Variants in ANKRD29 observed in about 807,000 individuals in gnomAD.
The protein encoded by ANKRD29 is ankyrin repeat domain 29, also known as ankyrin repeat domain-containing protein 29.
Under a neutral mutation model 38.0 loss-of-function variants are expected in ANKRD29, and 32 were observed. The ratio of observed to expected loss-of-function variants is 0.84; its 90% confidence interval spans 0.64 to 1.13. The LOEUF is 1.13. Ranked by LOEUF, ANKRD29 falls within the 50% of genes most tolerant of loss-of-function variation. The pLI is 0.00. For missense variants in ANKRD29, 357 were observed against 377.9 expected, an observed-to-expected ratio of 0.94 and a Z score of 0.46; for synonymous variants, 135 against 152.4, an observed-to-expected ratio of 0.89 and a Z score of 0.84.
At chr18:23,613,164 ATTTTTTTTTTTTT>A (rs546475443) in intron 8 of ANKRD29, among the ~76,000 whole-genome samples, 1 of 99,058 alleles carries the variant, frequency 1.0e-5, no homozygotes, top group Admixed American at 1.2e-4. Flanking sequence ...ACGGGTCAGA[ATTTTTTTTTTTTT>A]TTTTTTTTTT....
intron 6 of ANKRD29, among the ~76,000 whole-genome samples, chr18:23,624,465 T>TCAAAAAAA (rs2059835116): frequency 1.4e-4 from 1 of 7,228 alleles, no homozygotes; most frequent in Admixed American, 2.1e-3. Context: ...AGACTCCATC[T>TCAAAAAAA]CAAAAAAAAA....
At position 23,662,810 on chromosome 18, in the gene ANKRD29, G is replaced by C. The variant is rs938974537; in HGVS notation, c.-80C>G. 2.3e-5 allele frequency: 29 copies of C among 1,245,820 alleles called. No homozygotes were observed. Among genetic ancestry groups the C allele is most frequent in the Non-Finnish European group, 2.7e-5 (27 of 989,152 alleles). The allele number at this position is 1,245,820 out of a possible 1,614,324, so 77.2% of individuals were successfully genotyped here. ...CTCCCCGGCCCTTCACTCTCCCGGG[G>C]CTCTCGGCGTTCCGCAGAGGGGCGG... is the stretch of plus-strand genomic sequence containing the variant. On this transcript the variant is annotated 5_prime_UTR_variant, in exon 1 of 10. Coordinates refer to ENST00000592179, the MANE Select transcript of ANKRD29 (RefSeq NM_173505.4).
At chr18:23,631,187 C>T (rs554607452) in intron 5 of ANKRD29, among the ~76,000 whole-genome samples, 35 of 151,452 alleles carry the variant, frequency 2.3e-4, no homozygotes, top group African/African-American at 8.0e-4. Context: ...TGCTTGAGCC[C>T]AGGAGTTCAA....
At chr18:23,644,828 C>G (rs888705227) in intron 3 of ANKRD29, among the ~76,000 whole-genome samples, 1 of 152,216 alleles carries the variant, frequency 6.6e-6, no homozygotes, top group Non-Finnish European at 1.5e-5. Context: ...CTGAGCCTCT[C>G]AAGTAACTGG....
Position 23,603,684 on chromosome 18 carries a change from T to C in ANKRD29, c.823-2375A>G, listed in dbSNP as rs1408872284. Among the ~76,000 whole-genome samples the C allele has an allele frequency of 2.0e-5, 3 of 152,278 alleles. No individual in the cohort carries two copies. The East Asian group carries it at 5.8e-4, about 29-fold the overall frequency. On this transcript the variant is annotated intron_variant, in intron 9 of 9. Coordinates refer to ENST00000592179, the MANE Select transcript of ANKRD29 (RefSeq NM_173505.4). ...ATCCATCAGAAAAGCCTTTAAGTTT[T>C]GGGAAGCTGTTAAGGTCATAGTGGT... is the stretch of plus-strand genomic sequence containing the variant.
At chr18:23,605,372 A>AT (rs369113216) in intron 9 of ANKRD29, among the ~76,000 whole-genome samples, 2 of 150,290 alleles carry the variant, frequency 1.3e-5, no homozygotes, top group Non-Finnish European at 3.0e-5. Context: ...TCCCTGGCTT[A>AT]TTTTTTTTCT....
chr18:23,648,844 CT>C (rs771537670), intron 2 of ANKRD29: 10 of 443,402 alleles, frequency 2.3e-5, no homozygotes, highest in Non-Finnish European at 1.6e-5. Flanking sequence ...AGTGAAGTGC[CT>C]CTTTCCCTAT....
At chr18:23,623,532 C>A (rs150745621) in intron 6 of ANKRD29, among the ~76,000 whole-genome samples, 3,650 of 152,094 alleles carry the variant, frequency 0.024, 122 homozygotes, top group East Asian at 0.093. Context: ...CACCTGTAAT[C>A]CCAGCACTTT....
chr18:23,653,186 T>C (rs768837428), intron 1 of ANKRD29, among the ~76,000 whole-genome samples: 102 of 152,234 alleles, frequency 6.7e-4, no homozygotes, highest in Non-Finnish European at 9.6e-4. Flanking sequence ...AAGAATAACC[T>C]AATGTGCATT....
rs572382666 is a variant in ANKRD29 at position 23,624,001 on chromosome 18, A to C, written c.529-4372T>G. 3.9e-4 allele frequency among the ~76,000 whole-genome samples: 60 copies of C among 152,222 alleles called. 1 individual carries two copies. In the South Asian group the frequency reaches 0.012, roughly 32 times the overall value. On this transcript the variant is annotated intron_variant, in intron 6 of 9. Transcript: ENST00000592179. The stretch of plus-strand genomic sequence containing the variant: ...AATAATTTTGAAAATGATGAAAAGT[A>C]AGTCAATTTAGCTCCTTTTTGTAGA...
intron 1 of ANKRD29, among the ~76,000 whole-genome samples, chr18:23,652,164 G>A (rs1325914144): frequency 1.3e-5 from 2 of 152,126 alleles, no homozygotes; most frequent in African/African-American, 4.8e-5. Flanking sequence ...CCCTATGGCC[G>A]GCACATTTAC....
At chr18:23,605,393 G>T (rs931806662) in intron 9 of ANKRD29, among the ~76,000 whole-genome samples, 3 of 151,800 alleles carry the variant, frequency 2.0e-5, no homozygotes, top group Non-Finnish European at 4.4e-5. Context: ...GGAGAGATAG[G>T]GTCTTGCTAT....
intron 6 of ANKRD29, among the ~76,000 whole-genome samples, chr18:23,621,424 G>A (rs1282098859): frequency 2.0e-5 from 3 of 152,192 alleles, no homozygotes; most frequent in Non-Finnish European, 2.9e-5. Context: ...GTGCTGAAGA[G>A]CAGTCACAGG....
At position 23,662,894 on chromosome 18, in the gene ANKRD29, G is replaced by A. The variant is rs192694647; in HGVS notation, c.-164C>T. The A allele has an allele frequency of 4.4e-6, 2 of 456,810 alleles. No individual in the cohort carries two copies. The highest frequency in any genetic ancestry group is 5.8e-6 in the Non-Finnish European group (2 of 345,504). The allele number at this position is 456,810 out of a possible 1,614,324, so 28.3% of individuals were successfully genotyped here. ...GGCAGCAGCCGCCGCACACAGGGCC[G>A]GGCCGAAGGGGCGGCGCGGGGGCGC... On this transcript the variant is annotated 5_prime_UTR_variant, in exon 1 of 10. Transcript: ENST00000592179.
intron 1 of ANKRD29, among the ~76,000 whole-genome samples, chr18:23,651,699 T>C (rs1158007215): frequency 2.0e-5 from 3 of 152,224 alleles, no homozygotes; most frequent in African/African-American, 7.2e-5. Flanking sequence ...TAACAAGATC[T>C]CTAGTCGGGG....
At chr18:23,662,001 T>C (rs2060368569) in intron 1 of ANKRD29, among the ~76,000 whole-genome samples, 1 of 149,530 alleles carries the variant, frequency 6.7e-6, no homozygotes, top group Non-Finnish European at 1.5e-5. Context: ...AGTTAATTTC[T>C]CTATATCTTA....
rs2059508977 is a variant in ANKRD29 at position 23,601,309 on chromosome 18, C to T, written c.823G>A (p.Ala275Thr). 1 of 1,613,798 alleles carries T rather than the reference C, an allele frequency of 6.2e-7. No individual in the cohort carries two copies. Among genetic ancestry groups the T allele is most frequent in the East Asian group, 2.2e-5 (1 of 44,872 alleles). The part of the protein sequence containing the change: ...AGADPSLRNK[A>T]NELPAELTKN... ...GTTAGTTCTGCCGGAAGTTCATTGG[C>T]CTGAAAGAAGAGAAGATGGGCATTA... is the stretch of plus-strand genomic sequence containing the variant. The change falls in exon 10 of 10, where the codon GCC (alanine) becomes ACC (threonine). Residue 275 changes from alanine to threonine, a missense_variant and splice_region_variant. Transcript: ENST00000592179.
chr18:23,639,050 T>C (rs1359238600), intron 3 of ANKRD29, 103 bp from the exon 4 acceptor site: 3 of 894,604 alleles, frequency 3.4e-6, no homozygotes, highest in Admixed American at 6.3e-5. Context: ...ATAGAAAACT[T>C]CTAGCCTAGG....
chr18:23,625,221 C>CT (rs916690010), intron 6 of ANKRD29, among the ~76,000 whole-genome samples: 1 of 152,160 alleles, frequency 6.6e-6, no homozygotes, highest in African/African-American at 2.4e-5. Context: ...ATGATTGTCC[C>CT]TTGCACCGTG....
Sources: gnomAD v4.1 joint callset for allele counts (sites outside exome capture counted in the v4.1 genomes callset) on GRCh38, gnomAD v4.1.1 for gene constraint, MANE v1.5 for transcripts, NCBI Gene and HGNC (gene_info 2026-07-23, HGNC 2026-07-21) for gene names.